The following TBL1XR1 variants were observed in gnomAD, a reference collection of about 807,000 sequenced individuals.
TBL1XR1 encodes the protein TBL1X/Y related 1.
TBL1XR1 carries 5 observed loss-of-function variants against 66.9 expected under a neutral mutation model. That is an observed-to-expected ratio of 0.07 (90% CI 0.04 to 0.16). The LOEUF (loss-of-function observed/expected upper bound fraction) is 0.16. TBL1XR1 is among the 10% of genes least tolerant of loss of function. The pLI, the probability that TBL1XR1 is intolerant of heterozygous loss-of-function variation, is 1.00. For missense variants in TBL1XR1, 238 were observed against 623.2 expected, an observed-to-expected ratio of 0.38 and a Z score of 6.58; for synonymous variants, 210 against 206.0, an observed-to-expected ratio of 1.02 and a Z score of -0.17.
At chr3:177,120,880 T>G (rs1390559073) in intron 1 of TBL1XR1, 5 of 152,208 alleles carry the variant, frequency 3.3e-5, no homozygotes, top group Admixed American at 3.3e-4. Context: ...CCTAACAACT[T>G]GAAAAGACAG....
At chr3:177,170,010 T>C (rs1351276010) in intron 1 of TBL1XR1, among the ~76,000 whole-genome samples, 1 of 152,200 alleles carries the variant, frequency 6.6e-6, no homozygotes, top group Non-Finnish European at 1.5e-5. Context: ...GTCTGTGTTT[T>C]AACAAGCCCT....
In TBL1XR1 at chr3:177,024,760, A is replaced by G. The variant is rs567618807; in HGVS notation, c.*738T>C. 7 of 151,982 alleles carry G rather than the reference A, an allele frequency of 4.6e-5. No individual in the cohort carries two copies. Among genetic ancestry groups the G allele is most frequent in the African/African-American group, 1.7e-4 (7 of 41,444 alleles). The allele number at this position is 151,982 out of a possible 1,614,324, so 9.4% of individuals were successfully genotyped here. On this transcript the variant is annotated 3_prime_UTR_variant, in exon 16 of 16. Coordinates refer to ENST00000457928, the MANE Select transcript of TBL1XR1 (RefSeq NM_024665.7). ...AACAAAAAAACAAAACCAACAGAGC[A>G]TAATACCCTTTTACTGATGTGTCTT...
intron 1 of TBL1XR1, among the ~76,000 whole-genome samples, chr3:177,177,447 C>T (rs1275947587): frequency 6.6e-6 from 1 of 151,996 alleles, no homozygotes; most frequent in Non-Finnish European, 1.5e-5. Flanking sequence ...AAGACTCCAT[C>T]TCAAAAAAAA....
intron 1 of TBL1XR1, among the ~76,000 whole-genome samples, chr3:177,132,146 C>T (rs923585734): frequency 2.6e-5 from 4 of 152,168 alleles, no homozygotes; most frequent in Admixed American, 2.0e-4. Flanking sequence ...ATGGTTTGCA[C>T]CTGGTTTTCG....
At chr3:177,104,129 A>AGAGAG (rs1553844014) in intron 1 of TBL1XR1, among the ~76,000 whole-genome samples, 67 of 141,236 alleles carry the variant, frequency 4.7e-4, no homozygotes, top group African/African-American at 1.2e-3. Flanking sequence ...AAAAAAAAAA[A>AGAGAG]AGAGAGAGAG....
At chr3:177,096,278 G>C (rs1331464990) in intron 2 of TBL1XR1, among the ~76,000 whole-genome samples, 1 of 151,726 alleles carries the variant, frequency 6.6e-6, no homozygotes, top group Non-Finnish European at 1.5e-5. Flanking sequence ...TAGACTGTAA[G>C]CAAGTTTGCT....
At chr3:177,143,035 T>A (rs1210544319) in intron 1 of TBL1XR1, among the ~76,000 whole-genome samples, 1 of 151,490 alleles carries the variant, frequency 6.6e-6, no homozygotes, top group Non-Finnish European at 1.5e-5. Flanking sequence ...TTTCACTATT[T>A]AAAATAGCAC....
intron 1 of TBL1XR1, chr3:177,126,216 TTC>T (rs905372002): frequency 3.3e-5 from 5 of 152,170 alleles, no homozygotes; most frequent in South Asian, 4.1e-4. Context: ...CCACACCACT[TTC>T]TGACTCAACG....
At chr3:177,032,946 G>T in intron 14 of TBL1XR1, 25 bp downstream of exon 14, 1 of 1,502,322 alleles carries the variant, frequency 6.7e-7, no homozygotes, top group South Asian at 1.4e-5. Context: ...AAGAGCACTT[G>T]ACCATTTAAA....
At chr3:177,042,687 G>T (rs1019445727) in intron 10 of TBL1XR1, among the ~76,000 whole-genome samples, 2 of 152,126 alleles carry the variant, frequency 1.3e-5, no homozygotes, top group Non-Finnish European at 2.9e-5. Context: ...ACAAGTGAGA[G>T]AAGTGTGTTC....
At chr3:177,157,583 C>A (rs1173917040) in intron 1 of TBL1XR1, among the ~76,000 whole-genome samples, 1 of 152,188 alleles carries the variant, frequency 6.6e-6, no homozygotes, top group Non-Finnish European at 1.5e-5. Flanking sequence ...CATCAAGGCT[C>A]TTAATCACAT....
chr3:177,108,463 G>C (rs931568481), intron 1 of TBL1XR1, among the ~76,000 whole-genome samples: 4 of 152,122 alleles, frequency 2.6e-5, no homozygotes, highest in African/African-American at 7.2e-5. Flanking sequence ...CTGTAAGCAA[G>C]CCCTCAGTGT....
At chr3:177,027,935 A>C (rs1713388767) in intron 14 of TBL1XR1, 1 of 152,232 alleles carries the variant, frequency 6.6e-6, no homozygotes. Context: ...ATAAAAAATA[A>C]AATCTACAGT....
intron 3 of TBL1XR1, among the ~76,000 whole-genome samples, chr3:177,062,943 T>C (rs1307809689): frequency 2.0e-5 from 3 of 152,070 alleles, no homozygotes; most frequent in African/African-American, 4.8e-5. Context: ...GGGATCAGCC[T>C]GACCAACATG....
At chr3:177,096,333 CAT>C (rs957927873) in intron 2 of TBL1XR1, among the ~76,000 whole-genome samples, 3 of 142,010 alleles carry the variant, frequency 2.1e-5, no homozygotes, top group East Asian at 2.1e-4. Flanking sequence ...AACATACATA[CAT>C]ACACACACAC....
intron 10 of TBL1XR1, among the ~76,000 whole-genome samples, chr3:177,041,887 G>A (rs962169485): frequency 1.7e-4 from 26 of 152,248 alleles, no homozygotes; most frequent in African/African-American, 4.3e-4. Flanking sequence ...GCTGGGTGTC[G>A]AGCATTGCCA....
intron 1 of TBL1XR1, among the ~76,000 whole-genome samples, chr3:177,111,806 G>A (rs1426764061): frequency 6.6e-6 from 1 of 151,690 alleles, no homozygotes; most frequent in African/African-American, 2.4e-5. Flanking sequence ...ATTAAACCAA[G>A]GTCATTTATT....
intron 2 of TBL1XR1, among the ~76,000 whole-genome samples, chr3:177,070,887 A>G (rs1043791676): frequency 6.6e-6 from 1 of 152,078 alleles, no homozygotes; most frequent in Non-Finnish European, 1.5e-5. Flanking sequence ...ACTAAAATCA[A>G]GATCTGTCAA....
chr3:177,037,849 G>A (rs1324068294), intron 12 of TBL1XR1: 5 of 385,350 alleles, frequency 1.3e-5, no homozygotes, highest in African/African-American at 2.1e-5. Flanking sequence ...CTAACTAATA[G>A]GGTATCATAT....
Sources: allele counts gnomAD v4.1 joint callset (sites outside exome capture counted in the v4.1 genomes callset), GRCh38; gene constraint gnomAD v4.1.1; transcripts MANE v1.5; gene names NCBI Gene and HGNC (gene_info 2026-07-23, HGNC 2026-07-21).